TTC7B: variants seen among roughly 807,000 people sequenced by gnomAD.
TTC7B encodes the protein tetratricopeptide repeat protein 7B.
In TTC7B, 28 loss-of-function variants were observed where a neutral mutation model predicts 106.8. That is an observed-to-expected ratio of 0.26 (90% CI 0.19 to 0.36). The LOEUF (loss-of-function observed/expected upper bound fraction) is 0.36. TTC7B is among the 10% of genes least tolerant of loss of function. TTC7B has a pLI of 1.00. For synonymous variants in TTC7B, 405 were observed against 430.6 expected, an observed-to-expected ratio of 0.94 and a Z score of 0.74; for missense variants, 862 against 1,076.4, an observed-to-expected ratio of 0.80 and a Z score of 2.79.
chr14:90,749,885 G>A (rs11844659), intron 3 of TTC7B, among the ~76,000 whole-genome samples: 12,370 of 152,086 alleles, frequency 0.081, 525 homozygotes, highest in East Asian at 0.16. Context: ...TACCATCCAC[G>A]TCTTTACTAA....
intron 1 of TTC7B, among the ~76,000 whole-genome samples, chr14:90,799,611 G>A (rs2030119202): frequency 6.6e-6 from 1 of 152,132 alleles, no homozygotes; most frequent in South Asian, 2.1e-4. Context: ...AGGAGAGGGA[G>A]CAGCTCCTGG....
chr14:90,655,214 G>C, intron 11 of TTC7B, 104 bp from the exon 12 acceptor site: 1 of 796,334 alleles, frequency 1.3e-6, no homozygotes, highest in Non-Finnish European at 2.2e-6. Flanking sequence ...GAGTCACTTT[G>C]AAAATGACTC....
intron 18 of TTC7B, among the ~76,000 whole-genome samples, chr14:90,587,345 G>A (rs1277470576): frequency 6.6e-6 from 1 of 152,212 alleles, no homozygotes; most frequent in African/African-American, 2.4e-5. Flanking sequence ...TGCCAGGGGT[G>A]CTGGCATGAC....
At chr14:90,765,029 TAATAATAGTCA>T (rs1890627681) in intron 3 of TTC7B, among the ~76,000 whole-genome samples, 1 of 152,226 alleles carries the variant, frequency 6.6e-6, no homozygotes, top group African/African-American at 2.4e-5. Context: ...GCAGCATTAT[TAATAATAGTCA>T]AATAATAGAA....
At chr14:90,733,891 T>A (rs1207756869) in intron 4 of TTC7B, among the ~76,000 whole-genome samples, 1 of 152,214 alleles carries the variant, frequency 6.6e-6, no homozygotes, top group Non-Finnish European at 1.5e-5. Flanking sequence ...AATGAGAAAC[T>A]TCACTTCATG....
intron 9 of TTC7B, among the ~76,000 whole-genome samples, chr14:90,668,827 CTTTTTT>C (rs11291974): frequency 0.12 from 10,862 of 88,828 alleles, 352 homozygotes; most frequent in South Asian, 0.16. Flanking sequence ...AAAATTTCAA[CTTTTTT>C]TTTTTTTTTT....
rs181299056 is a variant in TTC7B at position 90,635,668 on chromosome 14, G to A, written c.1751+8380C>T. Among the ~76,000 whole-genome samples the A allele has an allele frequency of 4.8e-3, 720 of 151,270 alleles. 6 individuals are homozygous for A. Among genetic ancestry groups the A allele is most frequent in the African/African-American group, 0.016 (645 of 41,144 alleles). On this transcript the variant is annotated intron_variant, in intron 15 of 19. Transcript: ENST00000328459. ...CCAGCTACTTGGGAGGCTGAGGCAG[G>A]AGGATGGCGTGAACCCAGGAGGCAG...
In TTC7B at chr14:90,807,694, A is replaced by G. The variant is rs2030688656; in HGVS notation, c.121+8481T>C. Among the ~76,000 whole-genome samples, 1 of 152,176 alleles carries G rather than the reference A, an allele frequency of 6.6e-6. No individual in the cohort carries two copies. The highest frequency in any genetic ancestry group is 6.6e-5 in the Admixed American group (1 of 15,264). ...AAGGCTCCCACACTTGCCTACTCAA[A>G]CTAACTGAGGCTGTTTACAAATGTA... On this transcript the variant is annotated intron_variant, in intron 1 of 19. Transcript: ENST00000328459. This position sits in a 1 kb window ranked among gnomAD's most constrained non-coding sequence, Gnocchi z 4.1.
intron 19 of TTC7B, among the ~76,000 whole-genome samples, chr14:90,552,381 ACCCAGTTTC>A (rs1890122790): frequency 6.6e-6 from 1 of 152,050 alleles, no homozygotes; most frequent in Admixed American, 6.5e-5. Flanking sequence ...CTCAGCACTG[ACCCAGTTTC>A]CCCAAAGGCC....
rs146270163 is a variant in TTC7B at position 90,593,511 on chromosome 14, C to T, written c.2082G>A (p.Thr694=). 48 of 1,607,872 alleles carry T rather than the reference C, an allele frequency of 3.0e-5. 1 individual carries two copies. The African/African-American group carries it at 5.3e-4, about 18-fold the overall frequency. The change falls in exon 18 of 20, where the codon ACG becomes ACA. Residue 694 remains threonine (T), a synonymous_variant. Transcript: ENST00000328459. The part of the protein sequence containing the change: ...PKQGPLHPWM[T]LAQIWLHAAE... ...CTGCATGGAGCCAGATCTGTGCCAG[C>T]GTCATCCAGGGGTGCAGCGGGCCCT...
Position 90,541,288 on chromosome 14 carries a change from C to A in TTC7B, c.*80G>T. 1.5e-6 allele frequency: 2 copies of A among 1,357,384 alleles called. No homozygotes were observed. The highest frequency in any genetic ancestry group is 4.9e-5 in the East Asian group (2 of 41,024). 84.1% of individuals were successfully genotyped at this position (1,357,384 alleles called of 1,614,324 possible). On this transcript the variant is annotated 3_prime_UTR_variant, in exon 20 of 20. Coordinates refer to ENST00000328459, the MANE Select transcript of TTC7B (RefSeq NM_001010854.2). ...TGGCCTCAGTGTGGCAGATTCATCC[C>A]CTTGGGGCGATGGCACAAGCCCTGG...
chr14:90,714,846 T>A (rs941997075), intron 5 of TTC7B, among the ~76,000 whole-genome samples: 1 of 152,208 alleles, frequency 6.6e-6, no homozygotes, highest in East Asian at 1.9e-4. Flanking sequence ...TTTAAAAATA[T>A]AGCAGCTTCC....
At chr14:90,542,861 A>G (rs1048458287) in intron 19 of TTC7B, among the ~76,000 whole-genome samples, 2 of 152,122 alleles carry the variant, frequency 1.3e-5, no homozygotes, top group Non-Finnish European at 2.9e-5. Context: ...AATCTCCCCA[A>G]ACTAGGGTCT....
chr14:90,766,511 C>T (rs1890687261), intron 3 of TTC7B: 2 of 713,408 alleles, frequency 2.8e-6, no homozygotes, highest in African/African-American at 1.7e-5. Context: ...GGCCTACGTG[C>T]CACCTCTTGT....
intron 1 of TTC7B, among the ~76,000 whole-genome samples, chr14:90,787,756 C>G (rs760255025): frequency 3.9e-5 from 6 of 152,060 alleles, no homozygotes; most frequent in Admixed American, 6.5e-5. Context: ...TACTGGGAAG[C>G]CTAAAATAAC....
intron 15 of TTC7B, among the ~76,000 whole-genome samples, chr14:90,634,587 C>T (rs1884850513): frequency 6.6e-6 from 1 of 152,002 alleles, no homozygotes; most frequent in African/African-American, 2.4e-5. Flanking sequence ...GCCCGGCCAA[C>T]ATGGCAAAAC....
At chr14:90,633,234 T>C (rs554307778) in intron 15 of TTC7B, among the ~76,000 whole-genome samples, 7 of 152,388 alleles carry the variant, frequency 4.6e-5, no homozygotes, top group Non-Finnish European at 1.0e-4. Flanking sequence ...TGGTGACATC[T>C]GATGTTTTCT....
intron 8 of TTC7B, among the ~76,000 whole-genome samples, chr14:90,679,632 G>A (rs1250825386): frequency 1.3e-5 from 2 of 152,170 alleles, no homozygotes; most frequent in Non-Finnish European, 2.9e-5. Flanking sequence ...ACGAGGGAAG[G>A]GGACGCGAGC....
intron 19 of TTC7B, among the ~76,000 whole-genome samples, chr14:90,554,228 C>G (rs567384693): frequency 1.3e-5 from 2 of 152,340 alleles, no homozygotes; most frequent in African/African-American, 4.8e-5. Flanking sequence ...AGCTTCTGAG[C>G]CCCAAAGCCC....
Sources: gnomAD v4.1 joint callset for allele counts (sites outside exome capture counted in the v4.1 genomes callset) on GRCh38, gnomAD v4.1.1 for gene constraint, Gnocchi (gnomAD v3.1) non-coding constraint, MANE v1.5 for transcripts, NCBI Gene and HGNC (gene_info 2026-07-23, HGNC 2026-07-21) for gene names.